ZFP2: variants seen among roughly 807,000 people sequenced by gnomAD.
ZFP2 encodes the protein zinc finger protein ZFP2.
ZFP2 carries 33 observed loss-of-function variants against 36.1 expected under a neutral mutation model. That is an observed-to-expected ratio of 0.92 (90% CI 0.69 to 1.22). The LOEUF is 1.22. Ranked by LOEUF, ZFP2 falls within the 50% of genes most tolerant of loss-of-function variation. ZFP2 has a pLI of 0.00. For missense variants in ZFP2, 522 were observed against 551.4 expected (o/e 0.95, Z 0.53); for synonymous variants, 170 against 178.0 (o/e 0.96, Z 0.36).
In ZFP2 at chr5:178,932,870, T is replaced by C. The variant is rs1290572744; in HGVS notation, c.*171T>C. On this transcript the variant is annotated 3_prime_UTR_variant, in exon 5 of 5. Transcript: ENST00000361362. The stretch of plus-strand genomic sequence containing the variant: ...GAGAATCCATCTAAAAGTAGAGAAA[T>C]CTTGATTCAGAATGTATAATTTCCT... 3 of 843,096 alleles carry C rather than the reference T, an allele frequency of 3.6e-6. No homozygotes were observed. Among genetic ancestry groups the C allele is most frequent in the East Asian group, 5.7e-5 (2 of 35,116 alleles). The allele number at this position is 843,096 out of a possible 1,614,324, so 52.2% of individuals were successfully genotyped here.
At chr5:178,897,042 CT>C (rs3986659) in intron 1 of ZFP2, among the ~76,000 whole-genome samples, 18 of 147,764 alleles carry the variant, frequency 1.2e-4, no homozygotes, top group East Asian at 6.0e-4. Context: ...TTTCTTTTTT[CT>C]TTTTTTTTTT....
In ZFP2 at chr5:178,905,232, T is replaced by A. The variant is rs534351029; in HGVS notation, c.-449-7352T>A. Among the ~76,000 whole-genome samples, 124 of 152,354 alleles carry A rather than the reference T, an allele frequency of 8.1e-4. 1 individual carries two copies. Among genetic ancestry groups the A allele is most frequent in the East Asian group, 6.9e-3 (36 of 5,192 alleles). On this transcript the variant is annotated intron_variant, in intron 1 of 4. Transcript: ENST00000361362. Reference sequence around the variant, plus strand: ...TTCATATTAAGTAAAAAAATGATACTTTATTCTATTCAGATCTTTCATTAT... The same window carrying A: ...TTCATATTAAGTAAAAAAATGATACATTATTCTATTCAGATCTTTCATTAT...
intron 4 of ZFP2, among the ~76,000 whole-genome samples, chr5:178,928,033 T>C (rs115608172): frequency 6.1e-4 from 92 of 151,680 alleles, no homozygotes; most frequent in African/African-American, 2.2e-3. Context: ...CTACACACTT[T>C]TAAGTGGCCA....
intron 1 of ZFP2, among the ~76,000 whole-genome samples, chr5:178,907,388 G>C (rs1434709329): frequency 6.6e-6 from 1 of 151,222 alleles, no homozygotes; most frequent in Non-Finnish European, 1.5e-5. Context: ...ATATTTGGGG[G>C]TAGGGAAAGG....
intron 1 of ZFP2, among the ~76,000 whole-genome samples, chr5:178,911,331 G>A (rs1161282152): frequency 6.6e-6 from 1 of 152,052 alleles, no homozygotes; most frequent in Non-Finnish European, 1.5e-5. Context: ...CACTACGGTT[G>A]ACCCTTAAAT....
chr5:178,908,472 T>C (rs1758216361), intron 1 of ZFP2, among the ~76,000 whole-genome samples: 1 of 151,300 alleles, frequency 6.6e-6, no homozygotes, highest in African/African-American at 2.4e-5. Context: ...TATTACAACC[T>C]AATTTCAACC....
chr5:178,905,629 T>C (rs966843330), intron 1 of ZFP2, among the ~76,000 whole-genome samples: 2 of 150,674 alleles, frequency 1.3e-5, no homozygotes, highest in Admixed American at 6.6e-5. Context: ...TATCCTGTAC[T>C]GAATGTAGTG....
At chr5:178,912,317 ACAC>A (rs1758315686) in intron 1 of ZFP2, among the ~76,000 whole-genome samples, 1 of 152,128 alleles carries the variant, frequency 6.6e-6, no homozygotes, top group Non-Finnish European at 1.5e-5. Flanking sequence ...GGTGATCACA[ACAC>A]CACTCCTTCC....
chr5:178,926,115 G>GGGA (rs916088363), intron 4 of ZFP2, among the ~76,000 whole-genome samples: 6 of 128,666 alleles, frequency 4.7e-5, no homozygotes, highest in African/African-American at 1.5e-4. Flanking sequence ...CTAAAGTGCT[G>GGGA]GGATTACAGG....
chr5:178,922,843 A>G lies in ZFP2; in HGVS notation c.-78+6133A>G, dbSNP rs761831708. ...TTTTATGTAGTTACAACATGATGTG[A>G]TTGTAGCTTTTTAAACTATGAAACC... On this transcript the variant is annotated intron_variant, in intron 4 of 4. Transcript: ENST00000361362. 35 of 1,040,936 alleles carry G rather than the reference A, an allele frequency of 3.4e-5. 1 individual carries two copies. Among genetic ancestry groups the G allele is most frequent in the African/African-American group, 4.7e-5 (3 of 64,306 alleles). 64.5% of individuals were successfully genotyped at this position (1,040,936 alleles called of 1,614,324 possible). A position where few individuals can be genotyped will look rare whatever the true frequency, so the allele number is the denominator to read the frequency against.
At chr5:178,909,929 G>T in intron 1 of ZFP2, 3 of 1,441,234 alleles carry the variant, frequency 2.1e-6, no homozygotes, top group Admixed American at 1.7e-5. Flanking sequence ...TCCTCAAGGG[G>T]TTCTCTGTTA....
chr5:178,923,181 C>A (rs7711730), intron 4 of ZFP2, among the ~76,000 whole-genome samples: 144,912 of 149,008 alleles, frequency 0.97, 70,663 homozygotes, highest in East Asian at 1. Context: ...TTTAGTGTAT[C>A]ATTTGGAGGC....
chr5:178,927,833 G>A (rs1219139319), intron 4 of ZFP2, among the ~76,000 whole-genome samples: 2 of 151,744 alleles, frequency 1.3e-5, no homozygotes, highest in African/African-American at 4.8e-5. Context: ...CACCAAGCCT[G>A]GCTGAGTCTG....
intron 4 of ZFP2, among the ~76,000 whole-genome samples, chr5:178,919,542 C>G (rs2113101786): frequency 6.6e-6 from 1 of 152,224 alleles, no homozygotes; most frequent in Non-Finnish European, 1.5e-5. Context: ...ATAATTAATC[C>G]ACTTCCTTCT....
intron 4 of ZFP2, chr5:178,922,080 T>C: frequency 4.1e-6 from 4 of 983,258 alleles, no homozygotes; most frequent in South Asian, 3.9e-5. Context: ...GATACCGATA[T>C]CAAGAGACTA....
chr5:178,919,980 AT>A (rs1226488694), intron 4 of ZFP2, among the ~76,000 whole-genome samples: 3 of 146,910 alleles, frequency 2.0e-5, no homozygotes, highest in African/African-American at 7.5e-5. Context: ...AAAAAAAAAA[AT>A]TTGATTATGA....
intron 1 of ZFP2, chr5:178,909,671 G>A (rs778575157): frequency 1.2e-4 from 181 of 1,462,796 alleles, no homozygotes; most frequent in Admixed American, 1.7e-4. Context: ...GCAGGGCAGC[G>A]GGCAGATCCT....
chr5:178,902,642 C>A (rs1390267790), intron 1 of ZFP2, among the ~76,000 whole-genome samples: 1 of 151,956 alleles, frequency 6.6e-6, no homozygotes, highest in East Asian at 1.9e-4. Flanking sequence ...ATGGCTGATA[C>A]AGTCAGTGTT....
intron 4 of ZFP2, chr5:178,922,027 C>T: frequency 1.4e-6 from 1 of 701,848 alleles, no homozygotes; most frequent in South Asian, 1.6e-5. Context: ...GCTCCTTCCG[C>T]AGGCAGGAGA....
Sources: gnomAD v4.1 joint callset for allele counts (sites outside exome capture counted in the v4.1 genomes callset) on GRCh38, gnomAD v4.1.1 for gene constraint, MANE v1.5 for transcripts, NCBI Gene and HGNC (gene_info 2026-07-23, HGNC 2026-07-21) for gene names.